Variants in NOVA1 observed in about 807,000 individuals in gnomAD.
NOVA1 encodes the protein NOVA alternative splicing regulator 1.
NOVA1 carries 7 observed loss-of-function variants against 38.0 expected under a neutral mutation model. The observed-to-expected ratio is 0.18, with a 90% CI of 0.10 to 0.35. NOVA1 has a LOEUF of 0.35. Among genes scored for constraint, NOVA1 ranks in the 10% least tolerant of loss-of-function variants. The pLI, the probability that NOVA1 is intolerant of heterozygous loss-of-function variation, is 1.00. For missense variants in NOVA1, 460 were observed against 616.0 expected, an observed-to-expected ratio of 0.75 and a Z score of 2.68; for synonymous variants, 270 against 232.5, an observed-to-expected ratio of 1.16 and a Z score of -1.47.
At chr14:26,537,842 A>G (rs1396897958) in intron 2 of NOVA1, among the ~76,000 whole-genome samples, 1 of 152,196 alleles carries the variant, frequency 6.6e-6, no homozygotes, top group African/African-American at 2.4e-5. Flanking sequence ...ATAGAATGTG[A>G]AAGATGTAAG....
intron 4 of NOVA1, among the ~76,000 whole-genome samples, chr14:26,463,520 T>C (rs963990016): frequency 2.0e-5 from 3 of 152,166 alleles, no homozygotes; most frequent in Non-Finnish European, 4.4e-5. Context: ...GTCTTTTCAT[T>C]TTTATATTGG....
intron 2 of NOVA1, among the ~76,000 whole-genome samples, chr14:26,540,567 C>T (rs1234259842): frequency 1.3e-5 from 2 of 152,200 alleles, no homozygotes; most frequent in Non-Finnish European, 2.9e-5. Context: ...TACAAACCAG[C>T]ATGTACTAGC....
chr14:26,526,012 A>G (rs1889271282), intron 2 of NOVA1, among the ~76,000 whole-genome samples: 1 of 152,016 alleles, frequency 6.6e-6, no homozygotes, highest in East Asian at 1.9e-4. Context: ...TATGTTATAT[A>G]TTGGAAATAT....
chr14:26,448,721 A>C lies in NOVA1; in HGVS notation c.762T>G (p.Ser254Arg). 1 of 1,614,190 alleles carries C rather than the reference A, an allele frequency of 6.2e-7. No homozygotes were observed. Among genetic ancestry groups the C allele is most frequent in the Non-Finnish European group, 8.5e-7 (1 of 1,180,032 alleles). Reference protein sequence around the residue: ...DPQSGSCLNISYANVTGPVAN... With the variant: ...DPQSGSCLNIRYANVTGPVAN... Reference sequence around the variant, plus strand: ...CCACTGGACCTGTCACATTGGCATAACTGATATTGAGACAGCTGCCACTTT... The same window carrying C: ...CCACTGGACCTGTCACATTGGCATACCTGATATTGAGACAGCTGCCACTTT... Residue 254 changes from serine to arginine, a missense_variant, in exon 5 of 5, where the codon AGT (serine) becomes AGG (arginine). Physicochemically the swap from Ser to Arg is moderately radical, Grantham distance 110. Coordinates refer to ENST00000539517, the MANE Select transcript of NOVA1 (RefSeq NM_002515.3). This position sits in a 1 kb window ranked among gnomAD's most constrained non-coding sequence, Gnocchi z 5.3.
intron 2 of NOVA1, among the ~76,000 whole-genome samples, chr14:26,595,114 G>C (rs1444276151): frequency 6.6e-6 from 1 of 152,106 alleles, no homozygotes; most frequent in African/African-American, 2.4e-5. Context: ...GATGCCAGCT[G>C]TCCAGGTTTC....
At chr14:26,564,890 T>TA (rs1171515261) in intron 2 of NOVA1, among the ~76,000 whole-genome samples, 1 of 152,212 alleles carries the variant, frequency 6.6e-6, no homozygotes, top group Non-Finnish European at 1.5e-5. Context: ...ACCCAAAGTT[T>TA]AAATACATTT....
chr14:26,558,018 TA>T (rs938425422), intron 2 of NOVA1, among the ~76,000 whole-genome samples: 1 of 149,840 alleles, frequency 6.7e-6, no homozygotes, highest in Non-Finnish European at 1.5e-5. Flanking sequence ...AAGGTCAATC[TA>T]AAAAGGCTGC....
intron 2 of NOVA1, among the ~76,000 whole-genome samples, chr14:26,503,332 C>A (rs1418476365): frequency 6.6e-6 from 1 of 151,588 alleles, no homozygotes; most frequent in East Asian, 1.9e-4. Context: ...CACAATCACA[C>A]CAAAGGAAGA....
intron 4 of NOVA1, among the ~76,000 whole-genome samples, chr14:26,468,665 A>C (rs1203316801): frequency 6.6e-6 from 1 of 152,198 alleles, no homozygotes; most frequent in East Asian, 1.9e-4. Context: ...AGAATTAAGA[A>C]TCCATTTGTG....
intron 1 of NOVA1, chr14:26,596,588 T>C (rs895537452): frequency 2.3e-5 from 30 of 1,289,022 alleles, no homozygotes; most frequent in Non-Finnish European, 2.6e-5. Context: ...CTTCGATGCA[T>C]TGGGTGCATT....
At chr14:26,471,999 T>C (rs1414688534) in intron 4 of NOVA1, 1 of 375,444 alleles carries the variant, frequency 2.7e-6, no homozygotes, top group Non-Finnish European at 4.7e-6. Flanking sequence ...TGAAAAATTC[T>C]AGGAAGATAC....
In NOVA1 at chr14:26,458,833, T is replaced by A. The variant is rs904373129; in HGVS notation, c.520-9870A>T. ...AATAAATGCTGAAAGGAAACAAAAT[T>A]AAGAAAACAGTGTACAGAATAAGGA... On this transcript the variant is annotated intron_variant, in intron 4 of 4. Coordinates refer to ENST00000539517, the MANE Select transcript of NOVA1 (RefSeq NM_002515.3). 4.6e-5 allele frequency among the ~76,000 whole-genome samples: 7 copies of A among 151,816 alleles called. No individual in the cohort carries two copies. In the South Asian group the frequency reaches 1.5e-3, roughly 31 times the overall value.
At chr14:26,493,845 C>G (rs1886545795) in intron 2 of NOVA1, among the ~76,000 whole-genome samples, 1 of 152,146 alleles carries the variant, frequency 6.6e-6, no homozygotes, top group African/African-American at 2.4e-5. Context: ...TTCATTTGAG[C>G]CAACTCTTCC....
intron 4 of NOVA1, among the ~76,000 whole-genome samples, chr14:26,458,647 T>C (rs571168121): frequency 1.2e-4 from 19 of 152,016 alleles, no homozygotes; most frequent in African/African-American, 2.7e-4. Flanking sequence ...ATGGCAACAA[T>C]AGACACTGGG....
chr14:26,513,213 A>C (rs1022116096), intron 2 of NOVA1, among the ~76,000 whole-genome samples: 1 of 151,958 alleles, frequency 6.6e-6, no homozygotes, highest in Admixed American at 6.6e-5. Context: ...GCATTTTATT[A>C]TTTTGTTTTA....
chr14:26,474,750 G>T, intron 3 of NOVA1, among the ~76,000 whole-genome samples: 1 of 151,658 alleles, frequency 6.6e-6, no homozygotes, highest in Non-Finnish European at 1.5e-5. Context: ...TGTAAGTTTG[G>T]GTTTCAAGTT....
At chr14:26,549,757 C>T in intron 2 of NOVA1, 1 of 1,288,752 alleles carries the variant, frequency 7.8e-7, no homozygotes, top group Non-Finnish European at 1.0e-6. Flanking sequence ...GCACCATGTA[C>T]AATTTCTTCT....
chr14:26,463,769 CAA>C (rs1883895617), intron 4 of NOVA1, among the ~76,000 whole-genome samples: 1 of 152,164 alleles, frequency 6.6e-6, no homozygotes, highest in Non-Finnish European at 1.5e-5. Flanking sequence ...CTTACAGTTT[CAA>C]TCTTGAATGC....
In NOVA1 at chr14:26,447,645, T is replaced by A; in HGVS notation, c.*314A>T. 1 of 363,648 alleles carries A rather than the reference T, an allele frequency of 2.7e-6. No homozygotes were observed. Among genetic ancestry groups the A allele is most frequent in the Non-Finnish European group, 5.1e-6 (1 of 197,206 alleles). 22.5% of individuals were successfully genotyped at this position (363,648 alleles called of 1,614,324 possible). A position where few individuals can be genotyped will look rare whatever the true frequency, so the allele number is the denominator to read the frequency against. On this transcript the variant is annotated 3_prime_UTR_variant, in exon 5 of 5. Transcript: ENST00000539517. ...ACTAATACTGAAAACTATACGCATATCCCTGTCTACATTCAATCATTAAAC... is the reference window on the plus strand; with the variant it reads ...ACTAATACTGAAAACTATACGCATAACCCTGTCTACATTCAATCATTAAAC...
Sources: gnomAD v4.1 joint callset for allele counts (sites outside exome capture counted in the v4.1 genomes callset) on GRCh38, gnomAD v4.1.1 for gene constraint, Gnocchi (gnomAD v3.1) non-coding constraint, MANE v1.5 for transcripts, NCBI Gene and HGNC (gene_info 2026-07-23, HGNC 2026-07-21) for gene names.